CEP162: variants seen among roughly 807,000 people sequenced by gnomAD.
CEP162 encodes the protein centrosomal protein of 162 kDa.
A neutral mutation model predicts 169.2 loss-of-function variants in CEP162; 141 were observed. The observed-to-expected ratio is 0.83, with a 90% CI of 0.73 to 0.96. The LOEUF is 0.96. Ranked by LOEUF, CEP162 falls within the 40% of genes least tolerant of loss-of-function variation. The probability of loss-of-function intolerance (pLI) is 0.00; values close to 1 mark genes in which losing one functional copy is unlikely to be tolerated. For synonymous variants in CEP162, 540 were observed against 526.4 expected (o/e 1.03, Z -0.35); for missense variants, 1,600 against 1,587.2 (o/e 1.01, Z -0.14).
At position 84,126,527 on chromosome 6, in the gene CEP162, T is replaced by A; in HGVS notation, c.3871-15A>T. On this transcript the variant is annotated splice_polypyrimidine_tract_variant and intron_variant, in intron 25 of 26. Transcript: ENST00000403245. ...AGTTTTGTAATCTAAAATTGACATA[T>A]GAAGCAAATGAAAAACTATAATCAC... The A allele has an allele frequency of 4.1e-6, 6 of 1,476,936 alleles. No homozygotes were observed. The highest frequency in any genetic ancestry group is 5.4e-6 in the Non-Finnish European group (6 of 1,104,074). 91.5% of individuals were successfully genotyped at this position (1,476,936 alleles called of 1,614,324 possible).
At chr6:84,186,137 A>G (rs1046831019) in intron 12 of CEP162, among the ~76,000 whole-genome samples, 195 bp downstream of exon 12, 3 of 152,156 alleles carry the variant, frequency 2.0e-5, no homozygotes, top group African/African-American at 7.2e-5. Flanking sequence ...AGCTAATGTT[A>G]TGGTGGTATT....
chr6:84,167,086 G>A (rs1275058787), intron 18 of CEP162, among the ~76,000 whole-genome samples: 1 of 152,096 alleles, frequency 6.6e-6, no homozygotes, highest in Non-Finnish European at 1.5e-5. Context: ...TGTTGAGTGG[G>A]ACTTATTGTG....
intron 13 of CEP162, among the ~76,000 whole-genome samples, chr6:84,182,534 T>C (rs1290735962): frequency 2.0e-5 from 3 of 152,104 alleles, no homozygotes; most frequent in Non-Finnish European, 4.4e-5. Flanking sequence ...GCAACGTACA[T>C]AAACGTACTC....
chr6:84,191,303 A>T (rs1335395888), intron 11 of CEP162, among the ~76,000 whole-genome samples: 1 of 152,224 alleles, frequency 6.6e-6, no homozygotes, highest in African/African-American at 2.4e-5. Flanking sequence ...GCCAATGGTG[A>T]TAACATACAA....
At chr6:84,185,580 T>C in intron 12 of CEP162, 132 bp from the exon 13 acceptor site, 1 of 759,790 alleles carries the variant, frequency 1.3e-6, no homozygotes, top group Non-Finnish European at 2.0e-6. Context: ...ACTACCATAG[T>C]TAAGTTCTTG....
intron 11 of CEP162, among the ~76,000 whole-genome samples, chr6:84,190,549 G>GC (rs1562063519): frequency 6.6e-6 from 1 of 151,994 alleles, no homozygotes. Context: ...CCTGAGCCCA[G>GC]CGAGACCACG....
intron 2 of CEP162, among the ~76,000 whole-genome samples, chr6:84,225,392 A>C (rs2099555305): frequency 6.6e-6 from 1 of 152,246 alleles, no homozygotes; most frequent in African/African-American, 2.4e-5. Flanking sequence ...ATCTAAACAT[A>C]GAAAAGTAAA....
At chr6:84,200,952 T>C (rs1406947616) in intron 8 of CEP162, 47 bp from the exon 9 acceptor site, 6 of 1,144,846 alleles carry the variant, frequency 5.2e-6, no homozygotes, top group Non-Finnish European at 7.9e-6. Context: ...ATAAACTCAG[T>C]GGTTCTGTTG....
intron 18 of CEP162, among the ~76,000 whole-genome samples, chr6:84,163,495 T>A (rs2099526552): frequency 6.6e-6 from 1 of 151,980 alleles, no homozygotes. Context: ...GACCTCTCAA[T>A]CTATTGTTCT....
intron 2 of CEP162, among the ~76,000 whole-genome samples, chr6:84,225,572 TTAAG>T (rs547224977): frequency 9.9e-5 from 15 of 151,730 alleles, no homozygotes; most frequent in African/African-American, 3.1e-4. Flanking sequence ...CAAATATTTA[TTAAG>T]TATTTATTAG....
At chr6:84,157,289 T>A (rs540536860) in intron 21 of CEP162, among the ~76,000 whole-genome samples, 1 of 152,218 alleles carries the variant, frequency 6.6e-6, no homozygotes, top group Non-Finnish European at 1.5e-5. Context: ...ACATTTTACA[T>A]CCCTAGATTA....
intron 25 of CEP162, among the ~76,000 whole-genome samples, chr6:84,133,116 T>C (rs960539553): frequency 1.3e-5 from 2 of 152,168 alleles, no homozygotes; most frequent in African/African-American, 4.8e-5. Flanking sequence ...GGGAGTTTGC[T>C]TGAGGTCCAC....
intron 18 of CEP162, among the ~76,000 whole-genome samples, chr6:84,167,472 C>G (rs527697264): frequency 5.3e-5 from 8 of 152,094 alleles, no homozygotes; most frequent in African/African-American, 1.9e-4. Context: ...GGTTCTAATC[C>G]TGCTGTAAAG....
chr6:84,126,377 C>A lies in CEP162; in HGVS notation c.4005+1G>T, dbSNP rs1230886469. 2.5e-6 allele frequency: 4 copies of A among 1,580,152 alleles called. No individual in the cohort carries two copies. The highest frequency in any genetic ancestry group is 2.6e-6 in the Non-Finnish European group (3 of 1,166,128). On this transcript the variant is annotated splice_donor_variant, in intron 26 of 26. Coordinates refer to ENST00000403245, the MANE Select transcript of CEP162 (RefSeq NM_014895.4). LOFTEE classifies it high-confidence loss of function. ...AAATATGTAAATGTGATTTACTTTA[C>A]CTGTTGAAGTTCCTGTTCTCTTTGT...
rs1253853893 is a variant in CEP162 at position 84,154,320 on chromosome 6, CTAT to C, written c.2994+975_2994+977del. ...CAGACATGTTATCAGGGATATCTAT[CTAT>C]CTATCTATCTGTCTGTCTGTCTGTC... is the stretch of plus-strand genomic sequence containing the variant. On this transcript the variant is annotated intron_variant, in intron 22 of 26. Transcript: ENST00000403245. Among the ~76,000 whole-genome samples, 1,136 of 135,218 alleles carry C rather than the reference CTAT, an allele frequency of 8.4e-3. 18 individuals carry two copies. The highest frequency in any genetic ancestry group is 0.04 in the African/African-American group (1,073 of 26,586). 88.7% of individuals were successfully genotyped at this position (135,218 alleles called of 152,430 possible).
chr6:84,206,186 C>G (rs148428541), intron 6 of CEP162, among the ~76,000 whole-genome samples: 5,750 of 149,228 alleles, frequency 0.039, 212 homozygotes, highest in Admixed American at 0.092. Context: ...ATCAAGCTAC[C>G]AATGACTTTC....
At chr6:84,190,660 C>T (rs957362047) in intron 11 of CEP162, among the ~76,000 whole-genome samples, 6 of 152,048 alleles carry the variant, frequency 3.9e-5, no homozygotes, top group Admixed American at 2.0e-4. Context: ...AGCGAGACCA[C>T]GAACCCACCA....
chr6:84,201,591 C>T (rs1179206090), intron 8 of CEP162, 146 bp downstream of exon 8: 1 of 561,690 alleles, frequency 1.8e-6, no homozygotes, highest in Non-Finnish European at 3.2e-6. Context: ...AAGATAGAAA[C>T]ACATTATTGA....
intron 22 of CEP162, among the ~76,000 whole-genome samples, chr6:84,154,369 T>C (rs1429192579): frequency 7.2e-6 from 1 of 138,414 alleles, no homozygotes. Flanking sequence ...TCTATCTATC[T>C]ATCTATCTAC....
Sources: allele counts gnomAD v4.1 joint callset (sites outside exome capture counted in the v4.1 genomes callset), GRCh38; gene constraint gnomAD v4.1.1; transcripts MANE v1.5; gene names NCBI Gene and HGNC (gene_info 2026-07-23, HGNC 2026-07-21).